The following PTPRD variants were observed in gnomAD, a reference collection of about 807,000 sequenced individuals.
PTPRD encodes protein tyrosine phosphatase receptor type D.
Under a neutral mutation model 214.5 loss-of-function variants are expected in PTPRD, and 34 were observed. That is an observed-to-expected ratio of 0.16 (90% confidence interval 0.12 to 0.21). PTPRD has a LOEUF of 0.21. PTPRD is among the 10% of genes least tolerant of loss of function. The probability of loss-of-function intolerance (pLI) is 1.00; values close to 1 mark genes in which losing one functional copy is unlikely to be tolerated. For missense variants in PTPRD, 2,545 were observed against 2,398.7 expected (o/e 1.06, Z -1.27); for synonymous variants, 1,128 against 845.7 (o/e 1.33, Z -5.79).
chr9:8,557,455 T>TATATATATATATATATATATAC lies in PTPRD; in HGVS notation c.353-28677_353-28676insGTATATATATATATATATATAT. Among the ~76,000 whole-genome samples, 102 of 135,580 alleles carry TATATATATATATATATATATAC rather than the reference T, an allele frequency of 7.5e-4. 6 individuals carry two copies. The highest frequency in any genetic ancestry group is 2.3e-3 in the African/African-American group (66 of 28,768). 88.9% of individuals were successfully genotyped at this position (135,580 alleles called of 152,430 possible). ...AAATACATATATATATATATATATA[T>TATATATATATATATATATATAC]ATTTGGGCCGGGCGCGGTGGCTCAT... is the stretch of plus-strand genomic sequence containing the variant. On this transcript the variant is annotated intron_variant, in intron 14 of 45. Coordinates refer to ENST00000381196, the MANE Select transcript of PTPRD (RefSeq NM_002839.4).
intron 3 of PTPRD, among the ~76,000 whole-genome samples, chr9:10,233,692 G>C (rs1417263892): frequency 6.6e-6 from 1 of 151,878 alleles, no homozygotes; most frequent in Admixed American, 6.6e-5. Flanking sequence ...AAATGTGAAG[G>C]AACATTGGGA....
At chr9:9,006,593 C>T (rs190273043) in intron 11 of PTPRD, among the ~76,000 whole-genome samples, 87 of 152,078 alleles carry the variant, frequency 5.7e-4, no homozygotes, top group Non-Finnish European at 1.2e-3. Context: ...ACATAACCTA[C>T]CTGTTATTTT....
chr9:9,646,317 G>GT (rs1491570468), intron 7 of PTPRD, among the ~76,000 whole-genome samples: 1,808 of 142,396 alleles, frequency 0.013, 35 homozygotes, highest in African/African-American at 0.045. Context: ...GTGTGTGTGT[G>GT]GGTGTGTGTG....
At chr9:9,240,086 A>G (rs1308042114) in intron 9 of PTPRD, among the ~76,000 whole-genome samples, 2 of 152,188 alleles carry the variant, frequency 1.3e-5, no homozygotes, top group African/African-American at 2.4e-5. Flanking sequence ...ACAAATATTA[A>G]GAATAAGTAA....
intron 8 of PTPRD, among the ~76,000 whole-genome samples, chr9:9,455,222 T>C (rs10977771): frequency 0.15 from 23,007 of 151,474 alleles, 1,823 homozygotes; most frequent in Middle Eastern, 0.28. Flanking sequence ...ACAGATATAT[T>C]AGATGACATT....
chr9:9,664,873 G>C (rs1232706485), intron 7 of PTPRD, among the ~76,000 whole-genome samples: 2 of 151,604 alleles, frequency 1.3e-5, no homozygotes, highest in African/African-American at 4.8e-5. Flanking sequence ...TGAAACTAGA[G>C]CATATTAGAG....
chr9:9,687,909 G>A (rs948255251), intron 7 of PTPRD, among the ~76,000 whole-genome samples: 1 of 151,820 alleles, frequency 6.6e-6, no homozygotes, highest in Non-Finnish European at 1.5e-5. Context: ...ATCCCAATAA[G>A]TTAAGGGAAG....
At chr9:9,878,398 A>T (rs2153731390) in intron 5 of PTPRD, among the ~76,000 whole-genome samples, 1 of 152,312 alleles carries the variant, frequency 6.6e-6, no homozygotes, top group East Asian at 1.9e-4. Flanking sequence ...TGGGAGAATT[A>T]TAGGGACAGC....
intron 5 of PTPRD, among the ~76,000 whole-genome samples, chr9:9,851,839 T>G (rs1180026591): frequency 6.6e-6 from 1 of 152,226 alleles, no homozygotes; most frequent in East Asian, 1.9e-4. Context: ...TTGTTGCTTC[T>G]TACAAATCAT....
chr9:10,174,615 T>C (rs79073689), intron 3 of PTPRD, among the ~76,000 whole-genome samples: 3,697 of 152,142 alleles, frequency 0.024, 109 homozygotes, highest in African/African-American at 0.061. Context: ...TTTCCAAAGA[T>C]TTGGAATTTA....
At chr9:9,654,546 TAAAC>T (rs1165614074) in intron 7 of PTPRD, among the ~76,000 whole-genome samples, 1 of 152,122 alleles carries the variant, frequency 6.6e-6, no homozygotes, top group Non-Finnish European at 1.5e-5. Flanking sequence ...AATGTGGAAA[TAAAC>T]AAAACAGCAC....
chr9:8,559,244 G>A (rs529152606), intron 14 of PTPRD, among the ~76,000 whole-genome samples: 3 of 152,216 alleles, frequency 2.0e-5, no homozygotes, highest in South Asian at 2.1e-4. Flanking sequence ...TTTCAAAAGC[G>A]CTAGAGGAAA....
chr9:9,171,806 G>A (rs973460104), intron 10 of PTPRD, among the ~76,000 whole-genome samples: 1 of 152,004 alleles, frequency 6.6e-6, no homozygotes, highest in African/African-American at 2.4e-5. Flanking sequence ...TATAATGAAA[G>A]TTCATAGAAT....
intron 9 of PTPRD, among the ~76,000 whole-genome samples, chr9:9,244,447 C>G (rs1055614493): frequency 2.0e-5 from 3 of 152,026 alleles, no homozygotes; most frequent in Admixed American, 2.0e-4. Flanking sequence ...AGATATAGAC[C>G]AATGGAACAG....
chr9:8,702,077 T>A (rs1420709220), intron 12 of PTPRD, among the ~76,000 whole-genome samples: 1 of 152,188 alleles, frequency 6.6e-6, no homozygotes. Flanking sequence ...AATTACTTTG[T>A]GTCACTTTAG....
At chr9:8,706,088 C>T (rs554586067) in intron 12 of PTPRD, among the ~76,000 whole-genome samples, 1 of 152,136 alleles carries the variant, frequency 6.6e-6, no homozygotes, top group South Asian at 2.1e-4. Context: ...CTCACTTAGT[C>T]CAAGCAAAGG....
chr9:9,767,675 A>C (rs866021844), intron 5 of PTPRD, among the ~76,000 whole-genome samples: 12 of 152,270 alleles, frequency 7.9e-5, no homozygotes, highest in African/African-American at 2.9e-4. Context: ...ATCTGCCTAA[A>C]ATTTCCAGAA....
chr9:9,514,352 G>A (rs2096783196), intron 8 of PTPRD, among the ~76,000 whole-genome samples: 1 of 152,012 alleles, frequency 6.6e-6, no homozygotes, highest in Non-Finnish European at 1.5e-5. Context: ...ACAGGGATCT[G>A]GATAGTTATA....
intron 12 of PTPRD, among the ~76,000 whole-genome samples, chr9:8,644,831 G>A (rs937341730): frequency 7.2e-5 from 11 of 152,154 alleles, no homozygotes; most frequent in Non-Finnish European, 1.5e-4. Flanking sequence ...TGCCTGACTC[G>A]CAGTCTCCCT....
Sources: gnomAD v4.1 joint callset for allele counts (sites outside exome capture counted in the v4.1 genomes callset) on GRCh38, gnomAD v4.1.1 for gene constraint, MANE v1.5 for transcripts, NCBI Gene and HGNC (gene_info 2026-07-23, HGNC 2026-07-21) for gene names.